Variants in FTO observed in about 807,000 individuals in gnomAD.
FTO encodes alpha-ketoglutarate-dependent dioxygenase FTO.
FTO carries 47 observed loss-of-function variants against 63.9 expected under a neutral mutation model. That is an observed-to-expected ratio of 0.74 (90% CI 0.58 to 0.94). FTO has a LOEUF of 0.94. Among genes scored for constraint, FTO ranks in the 40% least tolerant of loss-of-function variants. The pLI is 0.00. For missense variants in FTO, 562 were observed against 618.1 expected (o/e 0.91, Z 0.96); for synonymous variants, 207 against 224.4 (o/e 0.92, Z 0.69).
intron 7 of FTO, among the ~76,000 whole-genome samples, chr16:53,902,512 A>G (rs2081428774): frequency 6.6e-6 from 1 of 152,204 alleles, no homozygotes; most frequent in African/African-American, 2.4e-5. Flanking sequence ...AAAATAAGAT[A>G]AACTGAGTGT....
At chr16:53,884,633 G>A (rs569005668) in intron 6 of FTO, among the ~76,000 whole-genome samples, 4 of 152,282 alleles carry the variant, frequency 2.6e-5, no homozygotes, top group South Asian at 4.2e-4. Flanking sequence ...TTGCTGACCC[G>A]TTGGAATGAT....
chr16:53,723,477 G>GTGACCCA (rs2076085750), intron 1 of FTO, among the ~76,000 whole-genome samples: 1 of 152,134 alleles, frequency 6.6e-6, no homozygotes, highest in South Asian at 2.1e-4. Flanking sequence ...AGGAAAACGG[G>GTGACCCA]TCACCTGGTT....
At chr16:54,005,068 T>TAAA (rs777739385) in intron 8 of FTO, among the ~76,000 whole-genome samples, 84 of 97,730 alleles carry the variant, frequency 8.6e-4, no homozygotes, top group African/African-American at 2.8e-3. Context: ...AGGCTCCGTC[T>TAAA]AAAAAAAAAA....
intron 4 of FTO, among the ~76,000 whole-genome samples, chr16:53,844,704 C>T (rs891124369): frequency 1.3e-5 from 2 of 152,170 alleles, no homozygotes; most frequent in African/African-American, 4.8e-5. Flanking sequence ...AGGTGATCCA[C>T]CTGCCTCGGT....
At chr16:53,894,483 G>C (rs56021436) in intron 7 of FTO, among the ~76,000 whole-genome samples, 6,621 of 152,124 alleles carry the variant, frequency 0.044, 372 homozygotes, top group African/African-American at 0.14. Context: ...TGAGTATACT[G>C]GTATTTGCTA....
At chr16:53,999,389 A>G (rs1387838820) in intron 8 of FTO, among the ~76,000 whole-genome samples, 4 of 152,182 alleles carry the variant, frequency 2.6e-5, no homozygotes, top group African/African-American at 9.7e-5. Context: ...GTAAAGTTTC[A>G]GAGAACCTAA....
intron 8 of FTO, among the ~76,000 whole-genome samples, chr16:53,962,418 T>C (rs2083103491): frequency 6.6e-6 from 1 of 152,150 alleles, no homozygotes; most frequent in South Asian, 2.1e-4. Context: ...CATACATCTC[T>C]AGAACCCCAA....
intron 1 of FTO, among the ~76,000 whole-genome samples, chr16:53,773,567 C>T (rs1009679215): frequency 6.6e-6 from 1 of 152,088 alleles, no homozygotes; most frequent in Non-Finnish European, 1.5e-5. Flanking sequence ...TTCTCACTAA[C>T]AGGGGTACTT....
intron 2 of FTO, among the ~76,000 whole-genome samples, chr16:53,822,928 T>C (rs2078906249): frequency 1.3e-5 from 2 of 152,174 alleles, no homozygotes; most frequent in Admixed American, 1.3e-4. Flanking sequence ...ATCATTCTCA[T>C]GAGTGTACTG....
rs200661827 is a variant in FTO, at chr16:53,762,989, TCTTA to T, written c.46-47147_46-47144del. ...AAGAACTGAATATAGCCTGATACGATCTTACTTTTAAACAGAAGATGCAATTTAT... is the reference window on the plus strand; with the variant it reads ...AAGAACTGAATATAGCCTGATACGATCTTTTAAACAGAAGATGCAATTTAT... On this transcript the variant is annotated intron_variant, in intron 1 of 8. Transcript: ENST00000471389. Among the ~76,000 whole-genome samples the T allele has an allele frequency of 6.6e-3, 1,000 of 152,240 alleles. 30 individuals carry two copies. In the East Asian group the frequency reaches 0.1, roughly 16 times the overall value.
chr16:53,806,782 C>G (rs1000140395), intron 1 of FTO, among the ~76,000 whole-genome samples: 3 of 152,086 alleles, frequency 2.0e-5, no homozygotes, highest in Admixed American at 1.3e-4. Flanking sequence ...TGCATATATT[C>G]TTCTGAACAT....
chr16:53,938,780 A>G (rs2082450842), intron 8 of FTO, among the ~76,000 whole-genome samples: 1 of 152,158 alleles, frequency 6.6e-6, no homozygotes, highest in South Asian at 2.1e-4. Flanking sequence ...TTGGAAGACT[A>G]GAATTGTTGT....
chr16:53,996,070 C>T (rs1280489813), intron 8 of FTO, among the ~76,000 whole-genome samples: 2 of 152,176 alleles, frequency 1.3e-5, no homozygotes, highest in East Asian at 1.9e-4. Context: ...GCAGCCACCA[C>T]GAGGTGACAG....
At chr16:53,729,990 G>A (rs1321658038) in intron 1 of FTO, among the ~76,000 whole-genome samples, 3 of 152,140 alleles carry the variant, frequency 2.0e-5, no homozygotes, top group Non-Finnish European at 4.4e-5. Context: ...CTGGCTGAGT[G>A]TCTGGCATAC....
At chr16:53,725,389 C>A (rs1350005056) in intron 1 of FTO, among the ~76,000 whole-genome samples, 1 of 152,168 alleles carries the variant, frequency 6.6e-6, no homozygotes, top group African/African-American at 2.4e-5. Context: ...GTAGAATGAT[C>A]TTCATTGTGA....
intron 8 of FTO, among the ~76,000 whole-genome samples, chr16:54,002,039 A>C (rs538655303): frequency 6.6e-6 from 1 of 152,350 alleles, no homozygotes; most frequent in South Asian, 2.1e-4. Flanking sequence ...TGCTTTTACC[A>C]CCTAAAGGCA....
chr16:53,803,659 C>G (rs979626285), intron 1 of FTO, among the ~76,000 whole-genome samples: 4 of 151,998 alleles, frequency 2.6e-5, no homozygotes, highest in East Asian at 1.9e-4. Context: ...GGCCTTGTAC[C>G]TGGGAACTAA....
intron 8 of FTO, among the ~76,000 whole-genome samples, chr16:53,950,591 C>G (rs1240686690): frequency 6.6e-5 from 10 of 152,152 alleles, no homozygotes. Context: ...TATTTCTTTC[C>G]TGTTCTTAAG....
intron 1 of FTO, among the ~76,000 whole-genome samples, chr16:53,723,615 G>A (rs1357776079): frequency 6.6e-6 from 1 of 152,176 alleles, no homozygotes; most frequent in Non-Finnish European, 1.5e-5. Flanking sequence ...CTCATCACAA[G>A]TATGTAGCAA....
Sources: allele counts gnomAD v4.1 joint callset (sites outside exome capture counted in the v4.1 genomes callset), GRCh38; gene constraint gnomAD v4.1.1; transcripts MANE v1.5; gene names NCBI Gene and HGNC (gene_info 2026-07-23, HGNC 2026-07-21).